The following DOCK1 variants were observed in gnomAD, a reference collection of about 807,000 sequenced individuals.
DOCK1 encodes the protein dedicator of cytokinesis 1.
DOCK1 carries 138 observed loss-of-function variants against 262.7 expected under a neutral mutation model. The observed-to-expected ratio is 0.53, with a 90% CI of 0.46 to 0.61. The LOEUF is 0.61. Among genes scored for constraint, DOCK1 ranks in the 20% least tolerant of loss-of-function variants. The pLI is 0.00. For synonymous variants in DOCK1, 866 were observed against 867.4 expected (o/e 1.00, Z 0.03); for missense variants, 1,908 against 2,370.7 (o/e 0.80, Z 4.05).
intron 25 of DOCK1, among the ~76,000 whole-genome samples, chr10:127,114,578 T>C (rs895667604): frequency 4.6e-5 from 7 of 151,912 alleles, no homozygotes; most frequent in African/African-American, 1.7e-4. Context: ...TCCTGTTTTC[T>C]GGAAATAGGA....
At chr10:127,373,672 T>C (rs943416413) in intron 33 of DOCK1, 109 bp from the exon 34 acceptor site, 9 of 979,956 alleles carry the variant, frequency 9.2e-6, no homozygotes, top group Non-Finnish European at 1.4e-5. Context: ...AGGCAGAGGG[T>C]AGCCATCTAT....
chr10:127,159,802 TA>T (rs1275593178), intron 27 of DOCK1, among the ~76,000 whole-genome samples: 2 of 152,006 alleles, frequency 1.3e-5, no homozygotes, highest in Non-Finnish European at 2.9e-5. Context: ...GCAGGAATGA[TA>T]AAGGAGGAGG....
At chr10:127,279,683 A>G (rs1237768733) in intron 29 of DOCK1, among the ~76,000 whole-genome samples, 1 of 152,176 alleles carries the variant, frequency 6.6e-6, no homozygotes, top group Non-Finnish European at 1.5e-5. Flanking sequence ...ACCAGCACAG[A>G]ACAAAGGCCC....
chr10:127,397,385 C>G (rs2066947276), intron 38 of DOCK1, among the ~76,000 whole-genome samples: 1 of 151,014 alleles, frequency 6.6e-6, no homozygotes, highest in South Asian at 2.1e-4. Flanking sequence ...GGCAGTGTCT[C>G]CTATGTGATC....
chr10:127,402,686 C>T, intron 38 of DOCK1: 1 of 525,710 alleles, frequency 1.9e-6, no homozygotes, highest in Non-Finnish European at 3.8e-6. Flanking sequence ...CCCACAGCCT[C>T]TCTTCACCCT....
intron 23 of DOCK1, among the ~76,000 whole-genome samples, chr10:127,094,212 A>C (rs1219750038): frequency 6.6e-6 from 1 of 152,132 alleles, no homozygotes; most frequent in Non-Finnish European, 1.5e-5. Flanking sequence ...AAAAACAAAC[A>C]AAAAATCCCA....
intron 10 of DOCK1, 182 bp downstream of exon 10, chr10:127,000,489 G>A: frequency 1.2e-6 from 1 of 859,110 alleles, no homozygotes; most frequent in African/African-American, 1.7e-5. Context: ...CTAGGCTCAG[G>A]ATGCTCTAGT....
chr10:127,261,751 C>CTG (rs1375197969), intron 29 of DOCK1, among the ~76,000 whole-genome samples: 3 of 101,872 alleles, frequency 2.9e-5, no homozygotes, highest in Non-Finnish European at 5.7e-5. Flanking sequence ...CCGTGCTCAT[C>CTG]TGTGTGTGTG....
intron 38 of DOCK1, among the ~76,000 whole-genome samples, chr10:127,387,980 A>G (rs540028532): frequency 2.2e-4 from 34 of 152,086 alleles, no homozygotes; most frequent in Non-Finnish European, 4.1e-4. Flanking sequence ...CTCAACTGAG[A>G]TCTGCAGGAG....
chr10:127,448,644 T>C (rs948211560), intron 51 of DOCK1, among the ~76,000 whole-genome samples: 1 of 152,204 alleles, frequency 6.6e-6, no homozygotes, highest in African/African-American at 2.4e-5. Context: ...CAGTGGTGTC[T>C]GAAGGGTAAA....
At chr10:127,206,136 CTTTTTT>C (rs34450374) in intron 27 of DOCK1, among the ~76,000 whole-genome samples, 9 of 78,658 alleles carry the variant, frequency 1.1e-4, no homozygotes, top group African/African-American at 2.0e-4. Flanking sequence ...TTCTTCTTCT[CTTTTTT>C]TTTTTTTTTT....
intron 29 of DOCK1, among the ~76,000 whole-genome samples, chr10:127,282,747 A>G (rs2061007398): frequency 2.0e-5 from 3 of 152,156 alleles, no homozygotes; most frequent in African/African-American, 7.2e-5. Context: ...CTCCTCCCTC[A>G]GTTTCTTCTG....
chr10:127,412,197 C>T (rs1047197457), intron 43 of DOCK1, among the ~76,000 whole-genome samples: 3 of 152,052 alleles, frequency 2.0e-5, no homozygotes, highest in Admixed American at 6.5e-5. Flanking sequence ...CTCCTGACCT[C>T]GTGATCCCCC....
At chr10:127,070,961 G>A (rs530305574) in intron 23 of DOCK1, among the ~76,000 whole-genome samples, 2 of 152,154 alleles carry the variant, frequency 1.3e-5, no homozygotes, top group South Asian at 4.2e-4. Flanking sequence ...AGCCTTCAAG[G>A]CTGGCTTCAT....
At chr10:127,017,849 C>T (rs16906454) in intron 12 of DOCK1, among the ~76,000 whole-genome samples, 15,801 of 152,234 alleles carry the variant, frequency 0.1, 981 homozygotes, top group Middle Eastern at 0.14. Context: ...CTGCCTGCCC[C>T]GCCTTTGACT....
intron 27 of DOCK1, among the ~76,000 whole-genome samples, chr10:127,178,870 G>A (rs897132308): frequency 1.3e-5 from 2 of 152,186 alleles, no homozygotes; most frequent in Non-Finnish European, 2.9e-5. Flanking sequence ...AGGTTAAACA[G>A]ATGCACACAA....
chr10:127,096,583 T>C, intron 23 of DOCK1, among the ~76,000 whole-genome samples: 1 of 152,148 alleles, frequency 6.6e-6, no homozygotes, highest in East Asian at 1.9e-4. Flanking sequence ...TATAAAGATA[T>C]GCTAATGGAT....
chr10:127,413,715 TG>T (rs1342595550), intron 43 of DOCK1, among the ~76,000 whole-genome samples: 1 of 151,798 alleles, frequency 6.6e-6, no homozygotes, highest in African/African-American at 2.4e-5. Context: ...GGTCTAGAGG[TG>T]GATGTGAGAG....
At chr10:127,385,598 C>A (rs576221950) in intron 38 of DOCK1, among the ~76,000 whole-genome samples, 1 of 152,264 alleles carries the variant, frequency 6.6e-6, no homozygotes, top group East Asian at 1.9e-4. Context: ...AAGGTACCGA[C>A]GTTCACATCC....
Sources: allele counts gnomAD v4.1 joint callset (sites outside exome capture counted in the v4.1 genomes callset), GRCh38; gene constraint gnomAD v4.1.1; transcripts MANE v1.5; gene names NCBI Gene and HGNC (gene_info 2026-07-23, HGNC 2026-07-21).